The following SULF2 variants were observed in gnomAD, a reference collection of about 807,000 sequenced individuals.
SULF2 encodes the protein extracellular sulfatase Sulf-2.
A neutral mutation model predicts 107.7 loss-of-function variants in SULF2; 52 were observed. That is an observed-to-expected ratio of 0.48 (90% CI 0.39 to 0.61). The LOEUF (loss-of-function observed/expected upper bound fraction) is 0.61, where lower values mean the gene tolerates loss of function less well. SULF2 is among the 20% of genes least tolerant of loss of function. SULF2 has a pLI of 0.00. For synonymous variants in SULF2, 460 were observed against 464.3 expected (o/e 0.99, Z 0.12); for missense variants, 993 against 1,177.3 (o/e 0.84, Z 2.29).
rs1056030559 is a variant in SULF2, at chr20:47,657,556, T to C, written c.*806A>G. On this transcript the variant is annotated 3_prime_UTR_variant, in exon 21 of 21. Transcript: ENST00000688720. The stretch of plus-strand genomic sequence containing the variant: ...ATCAAAACTTGGGACATACATCAAC[T>C]TCATTTCTTTTCAGTACCTTAAAAA... 1.3e-5 allele frequency: 2 copies of C among 152,126 alleles called. No individual in the cohort carries two copies. The highest frequency in any genetic ancestry group is 1.5e-5 in the Non-Finnish European group (1 of 68,036). The allele number at this position is 152,126 out of a possible 1,614,324, so 9.4% of individuals were successfully genotyped here. A position where few individuals can be genotyped will look rare whatever the true frequency, so the allele number is the denominator to read the frequency against.
At chr20:47,697,641 C>T (rs996981400) in intron 4 of SULF2, among the ~76,000 whole-genome samples, 1 of 152,216 alleles carries the variant, frequency 6.6e-6, no homozygotes, top group Non-Finnish European at 1.5e-5. Context: ...CCTGTTAGAG[C>T]ATCTCTGTTC....
Position 47,702,576 on chromosome 20 carries a change from A to G in SULF2, c.510T>C (p.Tyr170=), listed in dbSNP as rs199941927. 3.7e-6 allele frequency: 6 copies of G among 1,613,500 alleles called. No homozygotes were observed. Among genetic ancestry groups the G allele is most frequent in the East Asian group, 2.2e-5 (1 of 44,874 alleles). The change falls in exon 4 of 21, where the codon TAT becomes TAC. Residue 170 remains tyrosine, a synonymous_variant. Coordinates refer to ENST00000688720, the MANE Select transcript of SULF2 (RefSeq NM_001387048.1). ...WVGLLKNSRF[Y]NYTLCRNGVK... The stretch of plus-strand genomic sequence containing the variant: ...CCCCGTTCCGACACAGCGTGTAGTT[A>G]TAAAAGCGGGAGTTTTTAAGGAGTC...
intron 1 of SULF2, among the ~76,000 whole-genome samples, chr20:47,771,841 C>G (rs1024319375): frequency 6.6e-6 from 1 of 152,220 alleles, no homozygotes; most frequent in African/African-American, 2.4e-5. Flanking sequence ...ATCTCCCAAC[C>G]TGCCGGAACT....
Position 47,664,165 on chromosome 20 carries a change from G to A in SULF2, c.2022C>T (p.Arg674=). 6.2e-7 allele frequency: 1 copy of A among 1,613,212 alleles called. No individual in the cohort carries two copies. The highest frequency in any genetic ancestry group is 1.1e-5 in the South Asian group (1 of 90,816). The part of the protein sequence containing the change: ...KISYHTQHKG[R]LKHRGSSLHP... Reference sequence around the variant, plus strand: ...GCAGACTGGAGCCTCTGTGCTTGAGGCGGCCTTTGTGCTGGGTGTGGTAGC... The same window carrying A: ...GCAGACTGGAGCCTCTGTGCTTGAGACGGCCTTTGTGCTGGGTGTGGTAGC... Residue 674 remains arginine, a synonymous_variant, in exon 15 of 21, where the codon CGC becomes CGT. Transcript: ENST00000688720.
rs1480487849 is a variant in SULF2 at position 47,658,340 on chromosome 20, G to A, written c.*22C>T. Reference sequence around the variant, plus strand: ...AGTCAGGTGATGCCTCTATGTTTTTGGAGGTCCACCTCTGTTGTTTCTTAA... The same window carrying A: ...AGTCAGGTGATGCCTCTATGTTTTTAGAGGTCCACCTCTGTTGTTTCTTAA... On this transcript the variant is annotated 3_prime_UTR_variant, in exon 21 of 21. Coordinates refer to ENST00000688720, the MANE Select transcript of SULF2 (RefSeq NM_001387048.1). The A allele has an allele frequency of 1.2e-6, 2 of 1,613,776 alleles. No homozygotes were observed. Among genetic ancestry groups the A allele is most frequent in the South Asian group, 1.1e-5 (1 of 91,074 alleles).
intron 3 of SULF2, among the ~76,000 whole-genome samples, chr20:47,731,504 C>CA (rs1223117978): frequency 3.3e-5 from 5 of 151,956 alleles, no homozygotes; most frequent in East Asian, 3.9e-4. Flanking sequence ...GTTTAGGGAG[C>CA]AAAAAATTCA....
chr20:47,714,984 C>T (rs1409784693), intron 3 of SULF2, among the ~76,000 whole-genome samples: 1 of 152,144 alleles, frequency 6.6e-6, no homozygotes, highest in Non-Finnish European at 1.5e-5. Flanking sequence ...GTGGTGCGGT[C>T]GTGGCTCACT....
intron 3 of SULF2, among the ~76,000 whole-genome samples, chr20:47,729,903 G>A (rs1184706678): frequency 1.3e-5 from 2 of 152,242 alleles, no homozygotes; most frequent in African/African-American, 4.8e-5. Context: ...GGTCCTGAAT[G>A]AAACCGCTTT....
At chr20:47,683,789 G>A (rs1178754032) in intron 6 of SULF2, among the ~76,000 whole-genome samples, 3 of 152,244 alleles carry the variant, frequency 2.0e-5, no homozygotes, top group Admixed American at 6.5e-5. Context: ...CCCATACAAT[G>A]CGATATTATT....
chr20:47,717,836 T>C (rs142696950), intron 3 of SULF2, among the ~76,000 whole-genome samples: 4,873 of 142,480 alleles, frequency 0.034, 255 homozygotes, highest in African/African-American at 0.11. Flanking sequence ...TTTTTTGAGA[T>C]GGAGTCTCGC....
At chr20:47,665,375 GC>G in intron 13 of SULF2, 82 bp from the exon 14 acceptor site, 1 of 932,466 alleles carries the variant, frequency 1.1e-6, no homozygotes, top group Non-Finnish European at 1.8e-6. Flanking sequence ...CCCCCACGCT[GC>G]CGTGTCTGTG....
intron 2 of SULF2, among the ~76,000 whole-genome samples, chr20:47,756,766 C>A (rs1322428795): frequency 2.6e-5 from 4 of 151,936 alleles, no homozygotes; most frequent in African/African-American, 9.7e-5. Context: ...GTGCCCCAGT[C>A]TCCTCAGTAG....
chr20:47,772,277 C>T (rs1248008844), intron 1 of SULF2, among the ~76,000 whole-genome samples: 1 of 152,234 alleles, frequency 6.6e-6, no homozygotes, highest in Non-Finnish European at 1.5e-5. Flanking sequence ...GGGGACTGTG[C>T]TGTGTATCAC....
rs773015814 is a variant in SULF2 at position 47,661,885 on chromosome 20, T to G, written c.2382A>C (p.Ala794=). 1 of 1,565,896 alleles carries G rather than the reference T, an allele frequency of 6.4e-7. No individual in the cohort carries two copies. The highest frequency in any genetic ancestry group is 1.2e-5 in the South Asian group (1 of 85,122). ...GGACATCCCTGTCCAGTGTGTTCACTGCATTCATCAGCTGGTTGCAAAAAA... is the reference window on the plus strand; with the variant it reads ...GGACATCCCTGTCCAGTGTGTTCACGGCATTCATCAGCTGGTTGCAAAAAA... ...LNTDPYQLMN[A]VNTLDRDVLN... Residue 794 remains alanine (A), a synonymous_variant, in exon 18 of 21, where the codon GCA becomes GCC. Transcript: ENST00000688720.
chr20:47,783,893 C>T (rs577670355), intron 1 of SULF2, among the ~76,000 whole-genome samples: 1 of 152,278 alleles, frequency 6.6e-6, no homozygotes, highest in Non-Finnish European at 1.5e-5. Flanking sequence ...GTGGGAGAGA[C>T]GAAGCTGGGG....
Position 47,729,964 on chromosome 20 carries a change from G to A in SULF2, c.415+6739C>T, listed in dbSNP as rs566721837. On this transcript the variant is annotated intron_variant, in intron 3 of 20. Coordinates refer to ENST00000688720, the MANE Select transcript of SULF2 (RefSeq NM_001387048.1). Reference sequence around the variant, plus strand: ...GGGGATGCCAAAATGCCTAGCGGGCGCCTTTCCATCCTCCTGTGTGAGAGG... The same window carrying A: ...GGGGATGCCAAAATGCCTAGCGGGCACCTTTCCATCCTCCTGTGTGAGAGG... 3.3e-5 allele frequency among the ~76,000 whole-genome samples: 5 copies of A among 152,378 alleles called. No homozygotes were observed. The East Asian group carries it at 5.8e-4, about 18-fold the overall frequency.
chr20:47,704,108 C>T (rs1196966373), intron 3 of SULF2, among the ~76,000 whole-genome samples: 1 of 152,068 alleles, frequency 6.6e-6, no homozygotes, highest in Non-Finnish European at 1.5e-5. Flanking sequence ...CCTCATTGGC[C>T]TGGAGATTTG....
At chr20:47,735,233 G>A (rs1000185287) in intron 3 of SULF2, among the ~76,000 whole-genome samples, 4 of 152,106 alleles carry the variant, frequency 2.6e-5, no homozygotes, top group African/African-American at 7.2e-5. Context: ...CATCCAAAAC[G>A]AAAGGTTTCT....
intron 1 of SULF2, among the ~76,000 whole-genome samples, chr20:47,766,592 GCA>G (rs1236194596): frequency 6.6e-6 from 1 of 152,212 alleles, no homozygotes; most frequent in Non-Finnish European, 1.5e-5. Context: ...TGTGTGCCAG[GCA>G]CAGTTCTTGG....
Sources: allele counts gnomAD v4.1 joint callset (sites outside exome capture counted in the v4.1 genomes callset), GRCh38; gene constraint gnomAD v4.1.1; transcripts MANE v1.5; gene names NCBI Gene and HGNC (gene_info 2026-07-23, HGNC 2026-07-21).